Variants in GABRA3 observed in about 807,000 individuals in gnomAD.
GABRA3 encodes gamma-aminobutyric acid receptor subunit alpha-3.
In GABRA3, 10 loss-of-function variants were observed where a neutral mutation model predicts 30.1. The ratio of observed to expected loss-of-function variants is 0.33; its 90% CI spans 0.20 to 0.56. The LOEUF (loss-of-function observed/expected upper bound fraction) is 0.56, where lower values mean the gene tolerates loss of function less well. Among genes scored for constraint, GABRA3 ranks in the 20% least tolerant of loss-of-function variants. The probability of loss-of-function intolerance (pLI) is 0.89; values close to 1 mark genes in which losing one functional copy is unlikely to be tolerated. For synonymous variants in GABRA3, 151 were observed against 146.8 expected (o/e 1.03, Z -0.21); for missense variants, 233 against 392.0 (o/e 0.59, Z 3.42).
At chrX:152,437,435 T>C (rs1342115372) in intron 1 of GABRA3, among the ~76,000 whole-genome samples, 1 of 111,879 alleles carries the variant, frequency 8.9e-6, no homozygotes, top group African/African-American at 3.2e-5. Flanking sequence ...GGAAGATTCA[T>C]TATTGGTAAG....
chrX:152,337,061 AT>A (rs55999258), intron 3 of GABRA3, among the ~76,000 whole-genome samples: 25,039 of 110,915 alleles, frequency 0.23, 2,738 homozygotes, highest in African/African-American at 0.43. Flanking sequence ...AAGATAAAAT[AT>A]TTTTTTATAA....
At chrX:152,189,445 G>C (rs1323276503) in intron 9 of GABRA3, among the ~76,000 whole-genome samples, 1 of 111,948 alleles carries the variant, frequency 8.9e-6, no homozygotes, top group Non-Finnish European at 1.9e-5. Context: ...AAGCCTTTGA[G>C]TGACTTTGTA....
intron 1 of GABRA3, among the ~76,000 whole-genome samples, chrX:152,397,366 G>A (rs1256484032): frequency 8.9e-6 from 1 of 112,319 alleles, no homozygotes; most frequent in Non-Finnish European, 1.9e-5. Context: ...GGTCATTTAA[G>A]ATTTCTCTTC....
Position 152,345,593 on chromosome X carries a change from G to A in GABRA3, c.250C>T (p.Pro84Ser), listed in dbSNP as rs1940379684. The change falls in exon 3 of 10, where the codon CCT (proline) becomes TCT (serine). Residue 84 changes from proline (P) to serine (S), a missense_variant. Physicochemically the swap from Pro to Ser is moderately conservative, Grantham distance 74. Coordinates refer to ENST00000370314, the MANE Select transcript of GABRA3 (RefSeq NM_000808.4). ...TAAAAGGACTGACCTCCAAGCCCAGGTCGCAGCCGGTTGTCATAGCCGTCC... is the reference window on the plus strand; with the variant it reads ...TAAAAGGACTGACCTCCAAGCCCAGATCGCAGCCGGTTGTCATAGCCGTCC... Reference protein sequence around the residue: ...LLDGYDNRLRPGLGDAVTEVK... With the variant: ...LLDGYDNRLRSGLGDAVTEVK... The A allele has an allele frequency of 8.3e-7, 1 of 1,207,016 alleles. No individual in the cohort carries two copies. The highest frequency in any genetic ancestry group is 1.1e-6 in the Non-Finnish European group (1 of 893,918).
At chrX:152,321,847 C>G (rs1168294478) in intron 3 of GABRA3, among the ~76,000 whole-genome samples, 1 of 110,441 alleles carries the variant, frequency 9.1e-6, no homozygotes, top group Non-Finnish European at 1.9e-5. Context: ...TGCTGAATTC[C>G]TTTCCTCCCT....
intron 1 of GABRA3, among the ~76,000 whole-genome samples, chrX:152,437,468 A>G (rs1177533725): frequency 1.8e-5 from 2 of 111,762 alleles, no homozygotes; most frequent in Admixed American, 1.9e-4. Flanking sequence ...CAACTGATAT[A>G]TACATTCAAT....
chrX:152,292,714 T>G (rs1939445187), intron 3 of GABRA3, among the ~76,000 whole-genome samples: 2 of 111,915 alleles, frequency 1.8e-5, no homozygotes, highest in African/African-American at 6.5e-5. Flanking sequence ...CTCTACACAC[T>G]GCTTTAAATG....
chrX:152,258,339 C>G (rs889802930), intron 4 of GABRA3, among the ~76,000 whole-genome samples: 2 of 111,136 alleles, frequency 1.8e-5, no homozygotes, highest in African/African-American at 6.5e-5. Flanking sequence ...TATTAGTGAA[C>G]TGGAAAATAC....
At chrX:152,208,165 T>G in intron 6 of GABRA3, 21 bp from the exon 7 acceptor site, 1 of 1,197,880 alleles carries the variant, frequency 8.3e-7, no homozygotes, top group East Asian at 3.0e-5. Flanking sequence ...GAAGGGTCAA[T>G]AAAGAGAAGT....
intron 1 of GABRA3, among the ~76,000 whole-genome samples, chrX:152,426,078 T>G (rs1017773479): frequency 1.8e-5 from 2 of 111,454 alleles, no homozygotes; most frequent in Non-Finnish European, 3.8e-5. Context: ...ATTGTGGAAA[T>G]GAGGAGCTAG....
At chrX:152,184,981 C>A (rs1457651163) in intron 9 of GABRA3, among the ~76,000 whole-genome samples, 1 of 111,503 alleles carries the variant, frequency 9.0e-6, no homozygotes, top group Non-Finnish European at 1.9e-5. Flanking sequence ...CACATTTTAT[C>A]TAATGCCTGA....
intron 3 of GABRA3, among the ~76,000 whole-genome samples, chrX:152,328,111 A>C (rs1198975359): frequency 8.9e-6 from 1 of 111,989 alleles, no homozygotes. Flanking sequence ...GAAATGGATA[A>C]ATTCCTGGAC....
intron 3 of GABRA3, among the ~76,000 whole-genome samples, chrX:152,332,885 GC>G (rs1211587018): frequency 6.2e-5 from 7 of 112,229 alleles, no homozygotes; most frequent in African/African-American, 1.9e-4. Flanking sequence ...CTCTTTGGAG[GC>G]TTGGGAATTC....
At chrX:152,312,748 T>A (rs5969889) in intron 3 of GABRA3, among the ~76,000 whole-genome samples, 23,702 of 111,069 alleles carry the variant, frequency 0.21, 2,280 homozygotes, top group African/African-American at 0.39. Flanking sequence ...AAGATCTAAT[T>A]TCCATAATCT....
At chrX:152,201,243 A>C (rs2124359347) in intron 7 of GABRA3, among the ~76,000 whole-genome samples, 1 of 111,881 alleles carries the variant, frequency 8.9e-6, no homozygotes, top group African/African-American at 3.2e-5. Context: ...TGAAACTTTA[A>C]TCAAATTGGA....
chrX:152,288,375 T>A (rs975452087), intron 3 of GABRA3, among the ~76,000 whole-genome samples: 7 of 112,577 alleles, frequency 6.2e-5, no homozygotes, highest in African/African-American at 2.3e-4. Context: ...TGCTCTTTTG[T>A]GTGCCTTTGT....
intron 5 of GABRA3, 96 bp from the exon 6 acceptor site, chrX:152,224,941 TTTTG>T (rs1326558691): frequency 5.2e-6 from 3 of 581,105 alleles, no homozygotes; most frequent in African/African-American, 4.5e-5. Flanking sequence ...ATAACGAGAT[TTTTG>T]TTTGTTTAAG....
chrX:152,305,974 C>G (rs1454586301), intron 3 of GABRA3, among the ~76,000 whole-genome samples: 3 of 111,541 alleles, frequency 2.7e-5, no homozygotes, highest in Non-Finnish European at 5.6e-5. Flanking sequence ...GTAAAAAGTA[C>G]ATTTTTATCT....
intron 4 of GABRA3, among the ~76,000 whole-genome samples, chrX:152,276,388 A>G (rs185995012): frequency 8.9e-6 from 1 of 112,227 alleles, no homozygotes; most frequent in African/African-American, 3.2e-5. Context: ...AAGTGCAGAG[A>G]AATTGAGCTC....
Sources: allele counts gnomAD v4.1 joint callset (sites outside exome capture counted in the v4.1 genomes callset), GRCh38; gene constraint gnomAD v4.1.1; transcripts MANE v1.5; gene names NCBI Gene and HGNC (gene_info 2026-07-23, HGNC 2026-07-21).